APOOL: variants seen among roughly 807,000 people sequenced by gnomAD.
APOOL encodes the protein MICOS complex subunit MIC27.
A neutral mutation model predicts 23.1 loss-of-function variants in APOOL; 12 were observed. That is an observed-to-expected ratio of 0.52 (90% CI 0.33 to 0.84). The LOEUF (loss-of-function observed/expected upper bound fraction) is 0.84, where lower values mean the gene tolerates loss of function less well. Ranked by LOEUF, APOOL falls within the 40% of genes least tolerant of loss-of-function variation. APOOL has a pLI of 0.02. For synonymous variants in APOOL, 77 were observed against 69.9 expected (o/e 1.10, Z -0.51); for missense variants, 212 against 199.6 (o/e 1.06, Z -0.37).
At chrX:85,008,866 A>G (rs1921174258) in intron 1 of APOOL, among the ~76,000 whole-genome samples, 1 of 111,510 alleles carries the variant, frequency 9.0e-6, no homozygotes, top group Non-Finnish European at 1.9e-5. Context: ...AACAACATTA[A>G]TTCTTCCAAT....
Position 85,076,995 on chromosome X carries a change from T to TTATATA in APOOL, c.718+2621_718+2626dup, listed in dbSNP as rs752255967. Among the ~76,000 whole-genome samples, 68 of 82,496 alleles carry TTATATA rather than the reference T, an allele frequency of 8.2e-4. 1 individual carries two copies. Among genetic ancestry groups the TTATATA allele is most frequent in the African/African-American group, 2.9e-3 (55 of 19,224 alleles). 71.6% of individuals were successfully genotyped at this position (82,496 alleles called of 115,157 possible). On this transcript the variant is annotated intron_variant, in intron 8 of 8. Transcript: ENST00000373173. ...TTTTTAGGTGATAAATTTGCTAAAC[T>TTATATA]TATATATATATATATATATATACGT...
chrX:85,063,424 G>A (rs1259868727), intron 5 of APOOL, among the ~76,000 whole-genome samples: 1 of 111,405 alleles, frequency 9.0e-6, no homozygotes, highest in East Asian at 2.8e-4. Flanking sequence ...GTGAGAGAGG[G>A]CATCCTTGTC....
chrX:85,084,397 A>C (rs1924220882), intron 8 of APOOL, among the ~76,000 whole-genome samples: 1 of 110,328 alleles, frequency 9.1e-6, no homozygotes, highest in Admixed American at 9.7e-5. Context: ...GGCCTCCCAA[A>C]GTGCTGGGAT....
intron 1 of APOOL, among the ~76,000 whole-genome samples, chrX:85,015,237 T>TA (rs1481039271): frequency 1.8e-5 from 2 of 111,313 alleles, no homozygotes; most frequent in East Asian, 2.8e-4. Context: ...CTGTATTTTT[T>TA]AAAAAAATTA....
chrX:85,068,977 A>C (rs941784153), intron 6 of APOOL, among the ~76,000 whole-genome samples: 4 of 111,628 alleles, frequency 3.6e-5, no homozygotes, highest in Non-Finnish European at 5.6e-5. Flanking sequence ...TTTTAAAATA[A>C]AGTATTAAAC....
Position 85,030,319 on chromosome X carries a change from C to T in APOOL, c.16-16127C>T, listed in dbSNP as rs143426345. Among the ~76,000 whole-genome samples the T allele has an allele frequency of 6.2e-3, 679 of 109,836 alleles. 5 individuals are homozygous for T. Among genetic ancestry groups the T allele is most frequent in the African/African-American group, 0.022 (654 of 30,215 alleles). On this transcript the variant is annotated intron_variant, in intron 1 of 8. Coordinates refer to ENST00000373173, the MANE Select transcript of APOOL (RefSeq NM_198450.6). ...GAGCTAAGCTATGAGTACACAGAGG[C>T]ATGCAGAGTGATATAATGGACTTTA...
At chrX:85,051,174 T>C (rs958317292) in intron 2 of APOOL, among the ~76,000 whole-genome samples, 1 of 111,494 alleles carries the variant, frequency 9.0e-6, no homozygotes, top group Non-Finnish European at 1.9e-5. Flanking sequence ...TGGATTATAT[T>C]ATATTTGGCA....
chrX:85,039,919 G>A (rs2147640510), intron 1 of APOOL, among the ~76,000 whole-genome samples: 1 of 111,922 alleles, frequency 8.9e-6, no homozygotes, highest in East Asian at 2.8e-4. Context: ...ACATTGATAT[G>A]TGCAGATTTG....
At chrX:85,059,832 G>T (rs1923130077) in intron 5 of APOOL, among the ~76,000 whole-genome samples, 1 of 110,982 alleles carries the variant, frequency 9.0e-6, no homozygotes, top group African/African-American at 3.3e-5. Context: ...TAGGTTGCCT[G>T]TTCACTTTGA....
At position 85,003,928 on chromosome X, in the gene APOOL, G is replaced by A; in HGVS notation, c.15+1G>A. ...GGTTGTAGACATGGCGGCCATCAGG[G>A]TAAGCGAAAACCAACTTGCTTAATT... is the stretch of plus-strand genomic sequence containing the variant. On this transcript the variant is annotated splice_donor_variant, in intron 1 of 8. Transcript: ENST00000373173. LOFTEE classifies it high-confidence loss of function. The A allele has an allele frequency of 8.3e-7, 1 of 1,211,757 alleles. No homozygotes were observed. The highest frequency in any genetic ancestry group is 1.1e-6 in the Non-Finnish European group (1 of 895,396).
chrX:85,081,910 A>G (rs1924115972), intron 8 of APOOL, among the ~76,000 whole-genome samples: 1 of 112,025 alleles, frequency 8.9e-6, no homozygotes, highest in African/African-American at 3.2e-5. Context: ...TGCATGAGTC[A>G]TGTAGCTCTC....
chrX:85,004,405 T>C (rs2042791411), intron 1 of APOOL, among the ~76,000 whole-genome samples: 1 of 111,788 alleles, frequency 8.9e-6, no homozygotes, highest in Non-Finnish European at 1.9e-5. Flanking sequence ...GGTTTACACA[T>C]AGTGTTGTTG....
At chrX:85,046,580 T>C (rs372721487) in intron 2 of APOOL, 30 bp downstream of exon 2, 438 of 1,068,500 alleles carry the variant, frequency 4.1e-4, no homozygotes, top group Non-Finnish European at 5.4e-4. Context: ...TTATGAACTT[T>C]GTATAATATC....
chrX:85,023,663 C>T (rs935707210), intron 1 of APOOL, among the ~76,000 whole-genome samples: 9 of 111,936 alleles, frequency 8.0e-5, no homozygotes, highest in Admixed American at 5.7e-4. Context: ...TCTATTCCAA[C>T]GCTATAATAA....
At chrX:85,047,070 C>G (rs1204253553) in intron 2 of APOOL, among the ~76,000 whole-genome samples, 2 of 111,386 alleles carry the variant, frequency 1.8e-5, no homozygotes, top group Admixed American at 9.6e-5. Flanking sequence ...AACTTAAGGT[C>G]CTTTCTTATA....
Position 85,092,255 on chromosome X carries a change from TC to T in APOOL, c.*4578del. 1.4e-6 allele frequency: 1 copy of T among 725,642 alleles called. No homozygotes were observed. The highest frequency in any genetic ancestry group is 1.9e-6 in the Non-Finnish European group (1 of 525,502). 59.8% of individuals were successfully genotyped at this position (725,642 alleles called of 1,213,427 possible). A position where few individuals can be genotyped will look rare whatever the true frequency, so the allele number is the denominator to read the frequency against. ...GTTGACTAGAGCTACAAAATCTGTT[TC>T]AAAATAAAAGATCTGCTCAAACAAG... On this transcript the variant is annotated 3_prime_UTR_variant, in exon 9 of 9. Coordinates refer to ENST00000373173, the MANE Select transcript of APOOL (RefSeq NM_198450.6).
At chrX:85,045,900 G>A (rs1313228413) in intron 1 of APOOL, among the ~76,000 whole-genome samples, 1 of 111,567 alleles carries the variant, frequency 9.0e-6, no homozygotes, top group Non-Finnish European at 1.9e-5. Flanking sequence ...GCATCACTCA[G>A]TACTCCAGAC....
intron 5 of APOOL, among the ~76,000 whole-genome samples, chrX:85,066,051 C>A (rs978519399): frequency 1.8e-5 from 2 of 111,305 alleles, no homozygotes; most frequent in Non-Finnish European, 3.8e-5. Context: ...AGATAGACCT[C>A]TTGTTTTTCC....
At chrX:85,052,166 G>A (rs1232443796) in intron 3 of APOOL, among the ~76,000 whole-genome samples, 4 of 112,269 alleles carry the variant, frequency 3.6e-5, no homozygotes, top group Non-Finnish European at 7.5e-5. Flanking sequence ...CATGTACACA[G>A]TGTCACTCAC....
Sources: gnomAD v4.1 joint callset for allele counts (sites outside exome capture counted in the v4.1 genomes callset) on GRCh38, gnomAD v4.1.1 for gene constraint, MANE v1.5 for transcripts, NCBI Gene and HGNC (gene_info 2026-07-23, HGNC 2026-07-21) for gene names.